Variants in TERF2 observed in about 807,000 individuals in gnomAD.
The protein encoded by TERF2 is telomeric repeat-binding factor 2.
Under a neutral mutation model 56.1 loss-of-function variants are expected in TERF2, and 16 were observed. That is an observed-to-expected ratio of 0.29 (90% CI 0.19 to 0.43). TERF2 has a LOEUF of 0.43. Ranked by LOEUF, TERF2 falls within the 20% of genes least tolerant of loss-of-function variation. The pLI is 1.00. For missense variants in TERF2, 547 were observed against 712.9 expected (o/e 0.77, Z 2.65); for synonymous variants, 296 against 282.1 (o/e 1.05, Z -0.50).
At chr16:69,370,285 C>A (rs1303750375) in intron 5 of TERF2, 198 bp downstream of exon 5, 2 of 652,708 alleles carry the variant, frequency 3.1e-6, no homozygotes, top group African/African-American at 1.8e-5. Context: ...CCCCCCTGGG[C>A]CTCCCAAAGT....
chr16:69,369,764 G>C (rs900824928), intron 5 of TERF2, among the ~76,000 whole-genome samples: 10 of 151,994 alleles, frequency 6.6e-5, no homozygotes, highest in Non-Finnish European at 1.2e-4. Flanking sequence ...TTTTCATTTG[G>C]CTTCTTTCAA....
At position 69,384,781 on chromosome 16, in the gene TERF2, T is replaced by C. The variant is rs532244114; in HGVS notation, c.476-71A>G. On this transcript the variant is annotated intron_variant, in intron 2 of 9. Transcript: ENST00000254942. ...AAAAAAGTTATGTCCAAAAATTATA[T>C]ATATATATTTATGGAAATGGAGCAT... The C allele has an allele frequency of 1.3e-4, 176 of 1,342,540 alleles. No individual in the cohort carries two copies. The African/African-American group carries it at 2.3e-3, about 17-fold the overall frequency. The allele number at this position is 1,342,540 out of a possible 1,614,324, so 83.2% of individuals were successfully genotyped here. A position where few individuals can be genotyped will look rare whatever the true frequency, so the allele number is the denominator to read the frequency against.
chr16:69,379,407 T>C (rs80263090), intron 3 of TERF2, among the ~76,000 whole-genome samples: 2,336 of 152,338 alleles, frequency 0.015, 61 homozygotes, highest in African/African-American at 0.054. Context: ...TGCCGCATAG[T>C]AAAAAGCAAC....
At chr16:69,385,333 G>A (rs908070420) in intron 2 of TERF2, 58 bp downstream of exon 2, 4 of 1,461,790 alleles carry the variant, frequency 2.7e-6, no homozygotes, top group African/African-American at 2.8e-5. Flanking sequence ...CTAGATATAA[G>A]TTTTAAAACA....
chr16:69,384,180 G>A (rs111914952), intron 3 of TERF2, among the ~76,000 whole-genome samples: 1 of 152,160 alleles, frequency 6.6e-6, no homozygotes, highest in Non-Finnish European at 1.5e-5. Flanking sequence ...TCTTTCTGCA[G>A]ACAGAAAGAA....
In TERF2 at chr16:69,356,062, G is replaced by A. The variant is rs1055782115; in HGVS notation, c.*836C>T. On this transcript the variant is annotated 3_prime_UTR_variant, in exon 10 of 10. Transcript: ENST00000254942. Reference sequence around the variant, plus strand: ...CAGACAGGTCTAGGGTTGATGTCACGACTGGCTAAAGAGTTTTTAAAGGGA... The same window carrying A: ...CAGACAGGTCTAGGGTTGATGTCACAACTGGCTAAAGAGTTTTTAAAGGGA... 1.9e-5 allele frequency: 7 copies of A among 374,158 alleles called. No individual in the cohort carries two copies. The highest frequency in any genetic ancestry group is 6.1e-5 in the South Asian group (3 of 49,344). The allele number at this position is 374,158 out of a possible 1,614,324, so 23.2% of individuals were successfully genotyped here.
At chr16:69,369,858 C>G (rs945338788) in intron 5 of TERF2, among the ~76,000 whole-genome samples, 5 of 152,198 alleles carry the variant, frequency 3.3e-5, no homozygotes, top group African/African-American at 1.2e-4. Flanking sequence ...CCAAACCACC[C>G]TTCCTCCAAA....
chr16:69,383,650 A>T (rs1027692948), intron 3 of TERF2, among the ~76,000 whole-genome samples: 4 of 152,240 alleles, frequency 2.6e-5, no homozygotes, highest in African/African-American at 7.2e-5. Context: ...AATAAATAAA[A>T]TATGTGCACC....
chr16:69,361,576 G>C (rs2013141607), intron 7 of TERF2, 87 bp from the exon 8 acceptor site: 13 of 930,738 alleles, frequency 1.4e-5, no homozygotes, highest in Non-Finnish European at 2.1e-5. Context: ...TCTTGGCCCT[G>C]TACTCCTTCC....
At chr16:69,371,500 CA>C (rs778947462) in intron 4 of TERF2, among the ~76,000 whole-genome samples, 468 of 42,064 alleles carry the variant, frequency 0.011, 2 homozygotes, top group East Asian at 0.048. Context: ...GACTCCATCT[CA>C]AAAAAAAAAA....
At chr16:69,358,471 A>C (rs541515268) in intron 8 of TERF2, among the ~76,000 whole-genome samples, 2 of 152,326 alleles carry the variant, frequency 1.3e-5, no homozygotes, top group African/African-American at 4.8e-5. Context: ...AAAATTACTG[A>C]GGGAACGTCA....
intron 7 of TERF2, 124 bp downstream of exon 7, chr16:69,366,683 G>T: frequency 7.8e-7 from 1 of 1,285,816 alleles, no homozygotes; most frequent in Non-Finnish European, 1.0e-6. Flanking sequence ...TCAAGTTCTA[G>T]CAGTCTGAGC....
intron 3 of TERF2, among the ~76,000 whole-genome samples, chr16:69,377,470 G>A (rs1207615423): frequency 1.3e-5 from 2 of 152,034 alleles, no homozygotes; most frequent in Non-Finnish European, 2.9e-5. Context: ...TGGGACTACA[G>A]GCGCATGCCA....
chr16:69,370,532 A>G lies in TERF2; in HGVS notation c.791T>C (p.Leu264Pro), dbSNP rs2013528245. ...FSYETFQQKM[L>P]RFLESHLDDA... Reference sequence around the variant, plus strand: ...ATCCAGGTGGCTCTCCAGGAAGCGCAGCATCTTCTGCTGGAAGGTCTCATA... The same window carrying G: ...ATCCAGGTGGCTCTCCAGGAAGCGCGGCATCTTCTGCTGGAAGGTCTCATA... Residue 264 changes from leucine (L) to proline (P), a missense_variant, in exon 5 of 10, where the codon CTG (leucine) becomes CCG (proline). Transcript: ENST00000254942. 1 of 1,614,114 alleles carries G rather than the reference A, an allele frequency of 6.2e-7. No individual in the cohort carries two copies.
At chr16:69,372,385 C>A (rs754033393) in intron 3 of TERF2, 30 bp from the exon 4 acceptor site, 1 of 1,445,226 alleles carries the variant, frequency 6.9e-7, no homozygotes, top group East Asian at 2.3e-5. Flanking sequence ...TCTTTTTTTA[C>A]TTTTGTAATG....
intron 3 of TERF2, among the ~76,000 whole-genome samples, chr16:69,380,636 G>A (rs1161263005): frequency 6.1e-5 from 9 of 148,480 alleles, no homozygotes; most frequent in African/African-American, 1.5e-4. Flanking sequence ...CAGCCTGGGC[G>A]ACAGAGAGAG....
chr16:69,370,940 C>G (rs1187955664), intron 4 of TERF2, among the ~76,000 whole-genome samples: 1 of 151,514 alleles, frequency 6.6e-6, no homozygotes, highest in South Asian at 2.1e-4. Flanking sequence ...GTAGGATATG[C>G]TATCACGTAT....
chr16:69,365,889 T>G (rs573360548), intron 7 of TERF2: 2 of 152,336 alleles, frequency 1.3e-5, no homozygotes, highest in African/African-American at 4.8e-5. Context: ...TGGGCTTTTC[T>G]GTCAAGACTG....
At chr16:69,380,606 G>A (rs1033735115) in intron 3 of TERF2, among the ~76,000 whole-genome samples, 10 of 149,704 alleles carry the variant, frequency 6.7e-5, no homozygotes, top group African/African-American at 1.2e-4. Flanking sequence ...GCAGTAAGCC[G>A]AGATCACGCC....
Sources: allele counts gnomAD v4.1 joint callset (sites outside exome capture counted in the v4.1 genomes callset), GRCh38; gene constraint gnomAD v4.1.1; transcripts MANE v1.5; gene names NCBI Gene and HGNC (gene_info 2026-07-23, HGNC 2026-07-21).